Variants in RANBP9 observed in about 807,000 individuals in gnomAD.
RANBP9 encodes RAN binding protein 9.
A neutral mutation model predicts 84.3 loss-of-function variants in RANBP9; 15 were observed. That is an observed-to-expected ratio of 0.18 (90% CI 0.12 to 0.27). The LOEUF (loss-of-function observed/expected upper bound fraction) is 0.27. Among genes scored for constraint, RANBP9 ranks in the 10% least tolerant of loss-of-function variants. The probability of loss-of-function intolerance (pLI) is 1.00; values close to 1 mark genes in which losing one functional copy is unlikely to be tolerated. For missense variants in RANBP9, 809 were observed against 912.8 expected (o/e 0.89, Z 1.46); for synonymous variants, 392 against 349.6 (o/e 1.12, Z -1.35).
intron 2 of RANBP9, among the ~76,000 whole-genome samples, chr6:13,681,336 T>TG: frequency 7.3e-6 from 1 of 137,280 alleles, no homozygotes; most frequent in Admixed American, 7.6e-5. Context: ...TAGTTGTGGT[T>TG]GTTATGTAAT....
At chr6:13,689,634 T>A (rs1766278121) in intron 2 of RANBP9, among the ~76,000 whole-genome samples, 3 of 152,140 alleles carry the variant, frequency 2.0e-5, no homozygotes, top group Admixed American at 2.0e-4. Context: ...GAACCATGTA[T>A]CTCTGCCAAA....
intron 2 of RANBP9, among the ~76,000 whole-genome samples, chr6:13,685,366 T>C (rs148375658): frequency 0.012 from 1,763 of 152,226 alleles, 30 homozygotes; most frequent in African/African-American, 0.04. Context: ...GTAAGAAACA[T>C]ACTATAACTG....
chr6:13,637,684 G>A, intron 10 of RANBP9, 124 bp downstream of exon 10: 1 of 951,420 alleles, frequency 1.1e-6, no homozygotes, highest in Non-Finnish European at 1.5e-6. Flanking sequence ...TATTCTCTGG[G>A]GGCTTAAGAA....
At chr6:13,698,172 A>G (rs990689049) in intron 1 of RANBP9, among the ~76,000 whole-genome samples, 4 of 152,170 alleles carry the variant, frequency 2.6e-5, no homozygotes, top group African/African-American at 9.7e-5. Flanking sequence ...AAAAAATGGA[A>G]TGAATTCTGC....
In RANBP9 at chr6:13,676,866, A is replaced by G. The variant is rs116370632; in HGVS notation, c.684-18034T>C. On this transcript the variant is annotated intron_variant, in intron 2 of 13. Transcript: ENST00000011619. ...TAGGAATAGAGGGGGAGCTTCCTCA[A>G]CTTAATAAAGAACATCTACAAAAAA... Among the ~76,000 whole-genome samples, 502 of 152,270 alleles carry G rather than the reference A, an allele frequency of 3.3e-3. 8 individuals are homozygous for G. The highest frequency in any genetic ancestry group is 0.011 in the African/African-American group (467 of 41,582).
At chr6:13,654,354 A>T (rs987082457) in intron 4 of RANBP9, among the ~76,000 whole-genome samples, 3 of 152,234 alleles carry the variant, frequency 2.0e-5, no homozygotes, top group African/African-American at 7.2e-5. Flanking sequence ...ATATTCAATA[A>T]AACAAAGTAA....
intron 5 of RANBP9, among the ~76,000 whole-genome samples, chr6:13,650,495 G>A (rs1214316126): frequency 6.6e-6 from 1 of 152,034 alleles, no homozygotes; most frequent in African/African-American, 2.4e-5. Context: ...ACCTTACTAT[G>A]GTCAGGCAGC....
At chr6:13,652,236 T>C (rs1471628411) in intron 5 of RANBP9, among the ~76,000 whole-genome samples, 1 of 152,200 alleles carries the variant, frequency 6.6e-6, no homozygotes, top group Non-Finnish European at 1.5e-5. Flanking sequence ...TTGAATACTA[T>C]AAAGTCCAAG....
rs1419477698 is a variant in RANBP9, at chr6:13,711,447, G to A, written c.59C>T (p.Ser20Leu). 1.3e-5 allele frequency: 16 copies of A among 1,211,428 alleles called. No individual in the cohort carries two copies. In the East Asian group the frequency reaches 3.7e-4, roughly 28 times the overall value. The allele number at this position is 1,211,428 out of a possible 1,614,324, so 75.0% of individuals were successfully genotyped here. Residue 20 changes from serine (S) to leucine (L), a missense_variant, in exon 1 of 14, where the codon TCG becomes TTG. Physicochemically the swap from Ser to Leu is moderately radical, Grantham distance 145. This residue lies in a region of RANBP9 where 302 missense variants were observed against 240.1 expected (regional missense o/e 1.26). Coordinates refer to ENST00000011619, the MANE Select transcript of RANBP9 (RefSeq NM_005493.3). ...PQQQQQQQQLSPPPPAALAPV... is the reference protein window; with the variant it reads ...PQQQQQQQQLLPPPPAALAPV... ...GGCCAAGGCCGCCGGCGGTGGCGGC[G>A]ACAGCTGCTGCTGCTGTTGCTGCTG...
At chr6:13,647,616 A>G (rs1020004466) in intron 5 of RANBP9, among the ~76,000 whole-genome samples, 1 of 152,182 alleles carries the variant, frequency 6.6e-6, no homozygotes, top group Non-Finnish European at 1.5e-5. Context: ...AGAAGTCTAA[A>G]AGGATATATA....
intron 2 of RANBP9, among the ~76,000 whole-genome samples, chr6:13,667,261 T>A (rs1468692851): frequency 6.6e-6 from 1 of 152,200 alleles, no homozygotes; most frequent in African/African-American, 2.4e-5. Context: ...CCTACTATCT[T>A]GCTATCTGTC....
At chr6:13,687,438 T>C (rs1240043263) in intron 2 of RANBP9, among the ~76,000 whole-genome samples, 1 of 151,670 alleles carries the variant, frequency 6.6e-6, no homozygotes, top group Non-Finnish European at 1.5e-5. Flanking sequence ...CAGTGAGCTA[T>C]GATCACACAA....
intron 4 of RANBP9, 46 bp downstream of exon 4, chr6:13,657,063 A>G (rs776545389): frequency 6.1e-6 from 9 of 1,483,542 alleles, no homozygotes; most frequent in Non-Finnish European, 8.3e-6. Flanking sequence ...GAAGTATAAT[A>G]ATCTCCATAT....
rs766557134 is a variant in RANBP9 at position 13,639,674 on chromosome 6, C to G, written c.1414G>C (p.Asp472His). The G allele has an allele frequency of 6.2e-7, 1 of 1,613,460 alleles. No homozygotes were observed. Among genetic ancestry groups the G allele is most frequent in the African/African-American group, 1.3e-5 (1 of 74,904 alleles). Reference sequence around the variant, plus strand: ...GGTCGAGGACTAACAGGATAACTGTCTTGAGACTTTGGACTTCGGCCTCCC... The same window carrying G: ...GGTCGAGGACTAACAGGATAACTGTGTTGAGACTTTGGACTTCGGCCTCCC... Reference protein sequence around the residue: ...CLGGRSPKSQDSYPVSPRPFS... With the variant: ...CLGGRSPKSQHSYPVSPRPFS... Residue 472 changes from aspartate (D) to histidine (H), a missense_variant, in exon 9 of 14, where the codon GAC (aspartate) becomes CAC (histidine). Physicochemically the swap from Asp to His is moderately conservative, Grantham distance 81. This residue lies in a region of RANBP9 where 216 missense variants were observed against 329.0 expected (regional missense o/e 0.66). Transcript: ENST00000011619.
chr6:13,677,096 T>G (rs948785486), intron 2 of RANBP9, among the ~76,000 whole-genome samples: 2 of 152,114 alleles, frequency 1.3e-5, no homozygotes, highest in African/African-American at 4.8e-5. Context: ...AAAAGATTGT[T>G]TATGCAGACA....
rs1765140300 is a variant in RANBP9, at chr6:13,644,617, G to A, written c.1040C>T (p.Thr347Ile). The A allele has an allele frequency of 6.2e-7, 1 of 1,613,354 alleles. No homozygotes were observed. The highest frequency in any genetic ancestry group is 1.3e-5 in the African/African-American group (1 of 74,852). ...DIEDYMREWR[T>I]KIQAQIDRFP... ...TCGATCTATCTGTGCCTGGATTTTGGTTCTCCACTCCCGCATATAGTCTTC... is the reference window on the plus strand; with the variant it reads ...TCGATCTATCTGTGCCTGGATTTTGATTCTCCACTCCCGCATATAGTCTTC... Residue 347 changes from threonine (T) to isoleucine (I), a missense_variant, in exon 6 of 14, where the codon ACC (threonine) becomes ATC (isoleucine). By Grantham distance (89) the Thr-to-Ile change is moderately conservative. Coordinates refer to ENST00000011619, the MANE Select transcript of RANBP9 (RefSeq NM_005493.3).
chr6:13,672,420 TTTTTTAATTAATAAAAG>T (rs1765797277), intron 2 of RANBP9, among the ~76,000 whole-genome samples: 1 of 152,082 alleles, frequency 6.6e-6, no homozygotes, highest in Admixed American at 6.5e-5. Context: ...GAAATAGACT[TTTTTTAATTAATAAAAG>T]TTTCTAAGGA....
chr6:13,685,606 T>C (rs980455714), intron 2 of RANBP9, among the ~76,000 whole-genome samples: 5 of 151,406 alleles, frequency 3.3e-5, no homozygotes, highest in Admixed American at 3.3e-4. Flanking sequence ...AATAAATCAA[T>C]GATAAACACA....
rs192199951 is a variant in RANBP9, at chr6:13,660,321, C to A, written c.684-1489G>T. 5.9e-5 allele frequency among the ~76,000 whole-genome samples: 9 copies of A among 152,138 alleles called. No individual in the cohort carries two copies. The East Asian group carries it at 1.2e-3, about 20-fold the overall frequency. Reference sequence around the variant, plus strand: ...CCCAAGAATTCAAGACCAGCCTGGGCAACATTGGGAAACCTTGTCTCAAAA... The same window carrying A: ...CCCAAGAATTCAAGACCAGCCTGGGAAACATTGGGAAACCTTGTCTCAAAA... On this transcript the variant is annotated intron_variant, in intron 2 of 13. Transcript: ENST00000011619.
Sources: gnomAD v4.1 joint callset for allele counts (sites outside exome capture counted in the v4.1 genomes callset) on GRCh38, gnomAD v4.1.1 for gene constraint, gnomAD v4.1.1 regional missense constraint, MANE v1.5 for transcripts, NCBI Gene and HGNC (gene_info 2026-07-23, HGNC 2026-07-21) for gene names.